The following STT3B variants were observed in gnomAD, a reference collection of about 807,000 sequenced individuals.
STT3B encodes dolichyl-diphosphooligosaccharide--protein glycosyltransferase subunit STT3B.
Under a neutral mutation model 96.8 loss-of-function variants are expected in STT3B, and 29 were observed. The observed-to-expected ratio is 0.30, with a 90% confidence interval of 0.22 to 0.41. The LOEUF (loss-of-function observed/expected upper bound fraction) is 0.41, where lower values mean the gene tolerates loss of function less well. Among genes scored for constraint, STT3B ranks in the 10% least tolerant of loss-of-function variants. The pLI is 1.00. For synonymous variants in STT3B, 367 were observed against 360.0 expected, an observed-to-expected ratio of 1.02 and a Z score of -0.22; for missense variants, 640 against 1,022.3, an observed-to-expected ratio of 0.63 and a Z score of 5.10.
intron 1 of STT3B, among the ~76,000 whole-genome samples, chr3:31,562,297 C>T (rs2125445175): frequency 6.6e-6 from 1 of 152,206 alleles, no homozygotes; most frequent in South Asian, 2.1e-4. Flanking sequence ...TGGGCTGGTC[C>T]CCAGACCTGC....
At chr3:31,595,154 G>A (rs1445529660) in intron 3 of STT3B, among the ~76,000 whole-genome samples, 1 of 152,158 alleles carries the variant, frequency 6.6e-6, no homozygotes, top group Non-Finnish European at 1.5e-5. Context: ...CCTTCCTCCA[G>A]GTATGGGGCA....
At chr3:31,605,097 T>A (rs1291072493) in intron 5 of STT3B, among the ~76,000 whole-genome samples, 3 of 152,166 alleles carry the variant, frequency 2.0e-5, no homozygotes, top group Admixed American at 6.5e-5. Context: ...GTTAAAGTTA[T>A]GAAGGAATAG....
chr3:31,625,221 T>G (rs1051322172), intron 12 of STT3B, 136 bp downstream of exon 12: 40 of 677,536 alleles, frequency 5.9e-5, no homozygotes, highest in Middle Eastern at 3.4e-4. Context: ...TACACATATG[T>G]TCAATAAAGT....
rs1286247159 is a variant in STT3B, at chr3:31,636,265, G to A, written c.*201G>A. On this transcript the variant is annotated 3_prime_UTR_variant, in exon 16 of 16. Transcript: ENST00000295770. ...AGCTGTTTTCGATTTCTAATGTGAA[G>A]CAAGACAGAGCACTGCTGTAAATGT... 2 of 423,652 alleles carry A rather than the reference G, an allele frequency of 4.7e-6. No individual in the cohort carries two copies. The highest frequency in any genetic ancestry group is 8.6e-6 in the Non-Finnish European group (2 of 231,402). 26.2% of individuals were successfully genotyped at this position (423,652 alleles called of 1,614,324 possible).
Position 31,596,882 on chromosome 3 carries a change from G to A in STT3B, c.777+19G>A. On this transcript the variant is annotated intron_variant, in intron 4 of 15. Transcript: ENST00000295770. ...CTATATGGTAAGATTTCATATTTGAGACTACATGAAGTCTAGTAGGTCTCT... is the reference window on the plus strand; with the variant it reads ...CTATATGGTAAGATTTCATATTTGAAACTACATGAAGTCTAGTAGGTCTCT... 1 of 1,589,024 alleles carries A rather than the reference G, an allele frequency of 6.3e-7. No individual in the cohort carries two copies. Among genetic ancestry groups the A allele is most frequent in the African/African-American group, 1.3e-5 (1 of 74,436 alleles).
chr3:31,617,282 C>G lies in STT3B; in HGVS notation c.1123+207C>G, dbSNP rs116101649. 0.024 allele frequency among the ~76,000 whole-genome samples: 3,566 copies of G among 148,134 alleles called. 56 individuals are homozygous for G. The highest frequency in any genetic ancestry group is 0.036 in the Non-Finnish European group (2,445 of 67,004). ...TCCTTCTCTTGCTGGATGAATAGTC[C>G]CAAACTATAAAAAGAAAAAAAAAAT... On this transcript the variant is annotated intron_variant, in intron 7 of 15. Transcript: ENST00000295770.
At chr3:31,576,636 A>C in intron 2 of STT3B, 132 bp downstream of exon 2, 1 of 494,244 alleles carries the variant, frequency 2.0e-6, no homozygotes, top group Non-Finnish European at 3.5e-6. Flanking sequence ...CTTATTATCC[A>C]GTATTCAGTT....
chr3:31,609,740 A>C (rs1256413462), intron 5 of STT3B, among the ~76,000 whole-genome samples: 2 of 152,042 alleles, frequency 1.3e-5, no homozygotes, highest in Non-Finnish European at 2.9e-5. Flanking sequence ...GACTACAGGC[A>C]TGTGCCACCA....
At chr3:31,618,043 T>C (rs1699347722) in intron 8 of STT3B, 55 bp downstream of exon 8, 1 of 1,172,484 alleles carries the variant, frequency 8.5e-7, no homozygotes, top group South Asian at 1.2e-5. Context: ...GCTTTTCCTT[T>C]GTTTTTATCT....
rs143283775 is a variant in STT3B at position 31,633,059 on chromosome 3, A to G, written c.2312A>G (p.Lys771Arg). ...TSEHWLVRIY[K>R]VKAPDNRETL... is the part of the protein sequence containing the mutation. ...GAACACTGGCTTGTTAGGATATATA[A>G]AGTAAAAGCACCTGATAACAGGGAG... Residue 771 changes from lysine (K) to arginine (R), a missense_variant, in exon 15 of 16, where the codon AAA becomes AGA. Physicochemically the swap from Lys to Arg is conservative, Grantham distance 26. Around this residue, in one of 8 missense-constraint regions of STT3B, gnomAD observed 51 missense variants for 64.2 expected, o/e 0.79. Transcript: ENST00000295770. The G allele has an allele frequency of 1.5e-4, 237 of 1,614,034 alleles. No homozygotes were observed. Among genetic ancestry groups the G allele is most frequent in the Non-Finnish European group, 2.0e-4 (232 of 1,179,996 alleles).
At chr3:31,553,533 C>T (rs138265259) in intron 1 of STT3B, among the ~76,000 whole-genome samples, 37 of 152,140 alleles carry the variant, frequency 2.4e-4, no homozygotes, top group African/African-American at 7.7e-4. Flanking sequence ...ACGATTATTC[C>T]ATTTATCTGA....
At chr3:31,596,936 A>G in intron 4 of STT3B, 73 bp downstream of exon 4, 1 of 1,102,752 alleles carries the variant, frequency 9.1e-7, no homozygotes, top group East Asian at 2.4e-5. Flanking sequence ...TTTCTCCTGA[A>G]GTCTGTAGGA....
At chr3:31,576,541 A>T (rs779463335) in intron 2 of STT3B, 37 bp downstream of exon 2, 2 of 1,217,288 alleles carry the variant, frequency 1.6e-6, no homozygotes, top group Non-Finnish European at 2.3e-6. Context: ...TAATTATAAC[A>T]TTTATTGTTA....
At chr3:31,620,754 A>G (rs1201884588) in intron 9 of STT3B, among the ~76,000 whole-genome samples, 1 of 152,234 alleles carries the variant, frequency 6.6e-6, no homozygotes, top group Non-Finnish European at 1.5e-5. Flanking sequence ...AAACTTTATC[A>G]CGTGCACAGG....
At position 31,615,153 on chromosome 3, in the gene STT3B, C is replaced by A; in HGVS notation, c.926C>A (p.Pro309His). The change falls in exon 6 of 16, where the codon CCT becomes CAT. Residue 309 changes from proline (P) to histidine (H), a missense_variant. Around this residue, in one of 8 missense-constraint regions of STT3B, gnomAD observed 267 missense variants for 388.3 expected, o/e 0.69. Coordinates refer to ENST00000295770, the MANE Select transcript of STT3B (RefSeq NM_178862.3). ...GGTTTAATATTATCAATGCAGATAC[C>A]TTTTGTGGGATTCCAGCCAATCAGA... is the stretch of plus-strand genomic sequence containing the variant. Reference protein sequence around the residue: ...IVGLILSMQIPFVGFQPIRTS... With the variant: ...IVGLILSMQIHFVGFQPIRTS... 6.2e-7 allele frequency: 1 copy of A among 1,611,090 alleles called. No individual in the cohort carries two copies. Among genetic ancestry groups the A allele is most frequent in the Non-Finnish European group, 8.5e-7 (1 of 1,178,032 alleles).
At chr3:31,566,467 C>T (rs1698009636) in intron 1 of STT3B, among the ~76,000 whole-genome samples, 1 of 152,180 alleles carries the variant, frequency 6.6e-6, no homozygotes, top group Admixed American at 6.5e-5. Context: ...TAGTGTCTGA[C>T]ATGTTTTTTT....
chr3:31,545,035 C>T (rs932675016), intron 1 of STT3B, among the ~76,000 whole-genome samples: 2 of 152,112 alleles, frequency 1.3e-5, no homozygotes, highest in South Asian at 4.1e-4. Context: ...GATTTTTACT[C>T]TAGACCATCG....
At chr3:31,543,067 CAAAA>C (rs10696158) in intron 1 of STT3B, among the ~76,000 whole-genome samples, 1 of 109,470 alleles carries the variant, frequency 9.1e-6, no homozygotes, top group African/African-American at 3.7e-5. Flanking sequence ...CTCCATCTCA[CAAAA>C]AAAAAAAAAA....
chr3:31,623,582 A>G, intron 10 of STT3B, 92 bp from the exon 11 acceptor site: 1 of 908,710 alleles, frequency 1.1e-6, no homozygotes, highest in Non-Finnish European at 1.6e-6. Flanking sequence ...TTAAATTGAT[A>G]GATAAACAGT....
Sources: allele counts gnomAD v4.1 joint callset (sites outside exome capture counted in the v4.1 genomes callset), GRCh38; gene constraint gnomAD v4.1.1; regional missense constraint gnomAD v4.1.1; transcripts MANE v1.5; gene names NCBI Gene and HGNC (gene_info 2026-07-23, HGNC 2026-07-21).